Variants in KCP observed in about 807,000 individuals in gnomAD.
The protein encoded by KCP is kielin cysteine rich BMP regulator.
Under a neutral mutation model 212.7 loss-of-function variants are expected in KCP, and 194 were observed. That is an observed-to-expected ratio of 0.91 (90% confidence interval 0.81 to 1.03). The LOEUF is 1.03. KCP is among the 50% of genes least tolerant of loss of function. KCP has a pLI of 0.00. For missense variants in KCP, 2,080 were observed against 2,162.5 expected, an observed-to-expected ratio of 0.96 and a Z score of 0.76; for synonymous variants, 833 against 865.3, an observed-to-expected ratio of 0.96 and a Z score of 0.65.
At chr7:128,887,455 A>C (rs1793729278) in intron 22 of KCP, among the ~76,000 whole-genome samples, 155 bp from the exon 23 acceptor site, 1 of 151,108 alleles carries the variant, frequency 6.6e-6, no homozygotes, top group African/African-American at 2.4e-5. Context: ...AGCCACACCC[A>C]CAACCACATA....
At chr7:128,879,886 G>A (rs1793214684) in intron 35 of KCP, 27 bp downstream of exon 35, 7 of 1,551,242 alleles carry the variant, frequency 4.5e-6, no homozygotes, top group Non-Finnish European at 5.2e-6. Context: ...GTAGGGGTTG[G>A]GGAGAAGAGA....
Position 128,891,699 on chromosome 7 carries a change from C to A in KCP, c.1742G>T (p.Arg581Met). The A allele has an allele frequency of 6.9e-7, 1 of 1,451,602 alleles. No homozygotes were observed. The highest frequency in any genetic ancestry group is 1.4e-5 in the African/African-American group (1 of 69,786). 89.9% of individuals were successfully genotyped at this position (1,451,602 alleles called of 1,614,324 possible). ...AGGCAGCGGGTGGGCACAGGGGGCCCTGGGGCAGGGGCGAGGCTGGCAGTG... is the reference window on the plus strand; with the variant it reads ...AGGCAGCGGGTGGGCACAGGGGGCCATGGGGCAGGGGCGAGGCTGGCAGTG... ...HAHCQPRPCPRAPCAHPLPGT... is the reference protein window; with the variant it reads ...HAHCQPRPCPMAPCAHPLPGT... Residue 581 changes from arginine to methionine, a missense_variant, in exon 17 of 40, where the codon AGG becomes ATG. Transcript: ENST00000610776.
In KCP at chr7:128,908,251, GA is replaced by G. The variant is rs10565205; in HGVS notation, c.219+174del. Among the ~76,000 whole-genome samples the G allele has an allele frequency of 2.2e-3, 221 of 101,276 alleles. 4 individuals carry two copies. Among genetic ancestry groups the G allele is most frequent in the African/African-American group, 7.8e-3 (202 of 25,842 alleles). 66.4% of individuals were successfully genotyped at this position (101,276 alleles called of 152,430 possible). On this transcript the variant is annotated intron_variant, in intron 2 of 39. Transcript: ENST00000610776. ...AGGAAAGAAGAAAGGAAGAAAGAAA[GA>G]AGAAAGAAAGAAAGAAAGAAAGAAA...
intron 21 of KCP, 132 bp from the exon 22 acceptor site, chr7:128,889,171 C>A (rs1793930092): frequency 1.8e-6 from 1 of 567,134 alleles, no homozygotes. Context: ...TGGGGGGTCA[C>A]AGGCCAAGCC....
rs1793907062 is a variant in KCP, at chr7:128,888,851, G to A, written c.2512+12C>T. ...CCCAGCAGGGGGAATGGAAGGGCAG[G>A]TGTGGCTCTACCCTGGCAGGTCGGG... On this transcript the variant is annotated intron_variant, in intron 22 of 39. Coordinates refer to ENST00000610776, the MANE Select transcript of KCP (RefSeq NM_001366122.1). 1.3e-6 allele frequency: 2 copies of A among 1,546,736 alleles called. No homozygotes were observed. Among genetic ancestry groups the A allele is most frequent in the Admixed American group, 2.0e-5 (1 of 50,776 alleles).
Position 128,888,907 on chromosome 7 carries a change from C to T in KCP, c.2468G>A (p.Ser823Asn). The T allele has an allele frequency of 6.4e-7, 1 of 1,550,402 alleles. No homozygotes were observed. The highest frequency in any genetic ancestry group is 8.7e-7 in the Non-Finnish European group (1 of 1,146,828). ...GTGCCCAGAGGGGATGAGTGGGTGG[C>T]TGCAGCCCGGAGGCTCACAGGGCCG... ...GRRPCEPPGC[S>N]HPLIPSGHCC... is the part of the protein sequence containing the mutation. Residue 823 changes from serine (S) to asparagine (N), a missense_variant, in exon 22 of 40, where the codon AGC becomes AAC. Physicochemically the swap from Ser to Asn is conservative, Grantham distance 46. Coordinates refer to ENST00000610776, the MANE Select transcript of KCP (RefSeq NM_001366122.1).
In KCP at chr7:128,877,734, C is replaced by A; in HGVS notation, c.4368G>T (p.Pro1456=). ...RPCSAGREVD[P]CRAAGYRARR... ...TGGCACGGTAACCTGCTGCCCGGCA[C>A]GGATCCACCTCTCGGCCTGCAGAAC... The change falls in exon 39 of 40, where the codon CCG becomes CCT. Residue 1456 remains proline, a synonymous_variant. Transcript: ENST00000610776. 6.4e-7 allele frequency: 1 copy of A among 1,550,928 alleles called. No homozygotes were observed. The highest frequency in any genetic ancestry group is 8.7e-7 in the Non-Finnish European group (1 of 1,146,980).
intron 34 of KCP, 33 bp from the exon 35 acceptor site, chr7:128,880,118 C>G: frequency 2.0e-6 from 3 of 1,486,738 alleles, no homozygotes; most frequent in South Asian, 1.3e-5. Context: ...TCAGACACAC[C>G]GCCCTCCCCG....
intron 8 of KCP, among the ~76,000 whole-genome samples, chr7:128,896,267 G>A: frequency 6.6e-6 from 1 of 152,138 alleles, no homozygotes; most frequent in East Asian, 1.9e-4. Flanking sequence ...AATGGGATTG[G>A]GTTAGAGGCC....
Position 128,884,137 on chromosome 7 carries a change from G to C in KCP, c.3124-15C>G. On this transcript the variant is annotated splice_polypyrimidine_tract_variant and intron_variant, in intron 28 of 39. Transcript: ENST00000610776. ...TCAGGCTGTGGCTACAAGAATGAGT[G>C]AGCAGCGGTGGGTCCTGGGCCACAA... 2.6e-6 allele frequency: 4 copies of C among 1,539,708 alleles called. No individual in the cohort carries two copies. In the South Asian group the frequency reaches 3.6e-5, roughly 14 times the overall value.
Position 128,880,614 on chromosome 7 carries a change from C to T in KCP, c.3616+5G>A, listed in dbSNP as rs904963586. 33 of 1,227,384 alleles carry T rather than the reference C, an allele frequency of 2.7e-5. No individual in the cohort carries two copies. In the Admixed American group the frequency reaches 3.9e-4, roughly 14 times the overall value. The allele number at this position is 1,227,384 out of a possible 1,614,324, so 76.0% of individuals were successfully genotyped here. ...TACCCCTCCCCCATCACCCTGGCTG[C>T]GCACCTTGGCATCGCTCACAGCAGC... On this transcript the variant is annotated splice_donor_5th_base_variant and intron_variant, in intron 33 of 39. Transcript: ENST00000610776.
chr7:128,886,734 C>T lies in KCP; in HGVS notation c.2693G>A (p.Cys898Tyr), dbSNP rs199965771. The T allele has an allele frequency of 3.2e-6, 5 of 1,551,452 alleles. No homozygotes were observed. The African/African-American group carries it at 5.5e-5, about 17-fold the overall frequency. The change falls in exon 25 of 40, where the codon TGT becomes TAT. Residue 898 changes from cysteine (C) to tyrosine (Y), a missense_variant. By Grantham distance (194) the Cys-to-Tyr change is radical. Coordinates refer to ENST00000610776, the MANE Select transcript of KCP (RefSeq NM_001366122.1). ...CTGGTGCTCCCGGCCCTGAGAGAGA[C>T]AGCCTGTGGGGGACACACCTCCTGG... Reference protein sequence around the residue: ...GPCFCPVCHSCLSQGREHQDG... With the variant: ...GPCFCPVCHSYLSQGREHQDG...
At position 128,880,401 on chromosome 7, in the gene KCP, C is replaced by T. The variant is rs1032653087; in HGVS notation, c.3744G>A (p.Pro1248=). The T allele has an allele frequency of 3.4e-5, 52 of 1,537,576 alleles. No homozygotes were observed. The highest frequency in any genetic ancestry group is 1.7e-4 in the Middle Eastern group (1 of 5,840). ...CGGCACTCACGGGGCCACACGAGAG[C>T]GGTGAGCAGCGCTGGCTCTGGCAAC... ...TVRCQSQRCS[P]LSCGPDKAPA... is the part of the protein sequence containing the mutation. Residue 1248 remains proline (P), a synonymous_variant, in exon 34 of 40, where the codon CCG becomes CCA. Transcript: ENST00000610776.
chr7:128,887,924 C>T (rs553519834), intron 22 of KCP, among the ~76,000 whole-genome samples: 1 of 150,144 alleles, frequency 6.7e-6, no homozygotes, highest in East Asian at 2.0e-4. Flanking sequence ...CCCACACACA[C>T]AGCCATACAA....
In KCP at chr7:128,879,903, G is replaced by A; in HGVS notation, c.3932+10C>T. On this transcript the variant is annotated intron_variant, in intron 35 of 39. Coordinates refer to ENST00000610776, the MANE Select transcript of KCP (RefSeq NM_001366122.1). The stretch of plus-strand genomic sequence containing the variant: ...AGGGGTTGGGGAGAAGAGAGACAGG[G>A]GATGCACACCTGAAGTCCCCGCTGT... 6.4e-7 allele frequency: 1 copy of A among 1,551,188 alleles called. No homozygotes were observed. The highest frequency in any genetic ancestry group is 8.7e-7 in the Non-Finnish European group (1 of 1,146,966).
chr7:128,888,446 G>T (rs1233642839), intron 22 of KCP, among the ~76,000 whole-genome samples: 1 of 41,364 alleles, frequency 2.4e-5, no homozygotes, highest in East Asian at 6.3e-4. Flanking sequence ...ATATACACAC[G>T]GCCACACACA....
chr7:128,893,769 G>A, intron 11 of KCP, 37 bp downstream of exon 11: 1 of 1,538,402 alleles, frequency 6.5e-7, no homozygotes. Context: ...TGCAGCCAAG[G>A]CCTGCCCCTC....
intron 29 of KCP, 142 bp from the exon 30 acceptor site, chr7:128,882,158 G>A (rs748485281): frequency 1.6e-6 from 1 of 615,348 alleles, no homozygotes; most frequent in South Asian, 2.0e-5. Flanking sequence ...ACTCCAGGGA[G>A]GATAAGTCCT....
chr7:128,880,073 C>A lies in KCP; in HGVS notation c.3772G>T (p.Ala1258Ser). Residue 1258 changes from alanine to serine, a missense_variant, in exon 35 of 40, where the codon GCC (alanine) becomes TCC (serine). Coordinates refer to ENST00000610776, the MANE Select transcript of KCP (RefSeq NM_001366122.1). ...GGGCAGCAGCTGCCAGGACTCAGGG[C>A]AGGGGCCTTGTCCTGCACTCAGCCC... ...PLSCGPDKAPALSPGSCCPRC... is the reference protein window; with the variant it reads ...PLSCGPDKAPSLSPGSCCPRC... 1.3e-6 allele frequency: 2 copies of A among 1,542,250 alleles called. No individual in the cohort carries two copies. The highest frequency in any genetic ancestry group is 1.7e-6 in the Non-Finnish European group (2 of 1,143,960).
Sources: allele counts gnomAD v4.1 joint callset (sites outside exome capture counted in the v4.1 genomes callset), GRCh38; gene constraint gnomAD v4.1.1; transcripts MANE v1.5; gene names NCBI Gene and HGNC (gene_info 2026-07-23, HGNC 2026-07-21).